Variants in LUC7L observed in about 807,000 individuals in gnomAD.
LUC7L encodes the protein putative RNA-binding protein Luc7-like 1.
LUC7L carries 29 observed loss-of-function variants against 51.1 expected under a neutral mutation model. The observed-to-expected ratio is 0.57, with a 90% CI of 0.42 to 0.77. LUC7L has a LOEUF of 0.77. LUC7L is among the 30% of genes least tolerant of loss of function. The probability of loss-of-function intolerance (pLI) is 0.00; values close to 1 mark genes in which losing one functional copy is unlikely to be tolerated. For missense variants in LUC7L, 403 were observed against 511.9 expected (o/e 0.79, Z 2.05); for synonymous variants, 181 against 180.7 (o/e 1.00, Z -0.01).
intron 5 of LUC7L, among the ~76,000 whole-genome samples, chr16:200,042 G>T (rs1386109974): frequency 6.6e-6 from 1 of 151,956 alleles, no homozygotes; most frequent in Non-Finnish European, 1.5e-5. Flanking sequence ...TGTAATCCCA[G>T]CATTCCGAGG....
intron 3 of LUC7L, among the ~76,000 whole-genome samples, chr16:214,651 C>T (rs905664472): frequency 1.3e-5 from 2 of 152,138 alleles, no homozygotes; most frequent in Non-Finnish European, 2.9e-5. Context: ...CTCAGCCCCT[C>T]GAGTAGCTGG....
At chr16:201,513 C>T (rs926288040) in intron 5 of LUC7L, among the ~76,000 whole-genome samples, 2 of 151,608 alleles carry the variant, frequency 1.3e-5, no homozygotes, top group African/African-American at 4.8e-5. Flanking sequence ...GATCTCAGCT[C>T]ACTACAAGCT....
chr16:211,897 G>A (rs571700228), intron 3 of LUC7L, among the ~76,000 whole-genome samples: 9 of 152,338 alleles, frequency 5.9e-5, no homozygotes, highest in African/African-American at 1.7e-4. Flanking sequence ...GACACAGGCC[G>A]GTGGTCACTG....
rs116830408 is a variant in LUC7L at position 202,764 on chromosome 16, T to G, written c.510+3240A>C. The stretch of plus-strand genomic sequence containing the variant: ...ATGAAAGACAGGACATCATTACGGA[T>G]CCACCCACTTTAAAGGAATAATACA... On this transcript the variant is annotated intron_variant, in intron 5 of 9. Transcript: ENST00000293872. Among the ~76,000 whole-genome samples the G allele has an allele frequency of 7.3e-3, 1,104 of 152,228 alleles. 15 individuals are homozygous for G. The highest frequency in any genetic ancestry group is 0.026 in the African/African-American group (1,062 of 41,552).
intron 3 of LUC7L, among the ~76,000 whole-genome samples, chr16:212,345 A>G (rs1454044730): frequency 1.3e-5 from 2 of 152,194 alleles, no homozygotes; most frequent in Non-Finnish European, 2.9e-5. Flanking sequence ...ATGGATGATG[A>G]AAGTGAAGCA....
At chr16:206,878 C>T (rs942948909) in intron 4 of LUC7L, among the ~76,000 whole-genome samples, 2 of 136,398 alleles carry the variant, frequency 1.5e-5, no homozygotes, top group African/African-American at 5.7e-5. Flanking sequence ...GGGCAACAGA[C>T]TCCATCTTTA....
intron 1 of LUC7L, 159 bp from the exon 2 acceptor site, chr16:227,495 AG>A: frequency 6.9e-7 from 1 of 1,445,958 alleles, no homozygotes; most frequent in Non-Finnish European, 9.1e-7. Context: ...TTACAACTGG[AG>A]TGGAATACAC....
chr16:198,021 C>T (rs1422513570), intron 6 of LUC7L, among the ~76,000 whole-genome samples: 1 of 152,072 alleles, frequency 6.6e-6, no homozygotes, highest in Non-Finnish European at 1.5e-5. Flanking sequence ...GTGGTCCCAG[C>T]ACTTTGGGAG....
At chr16:228,140 C>A in intron 1 of LUC7L, 1 of 1,128,350 alleles carries the variant, frequency 8.9e-7, no homozygotes. Context: ...AATTTTAAAG[C>A]TAGTCTGTGT....
At chr16:224,194 A>C (rs192493271) in intron 2 of LUC7L, among the ~76,000 whole-genome samples, 2 of 152,274 alleles carry the variant, frequency 1.3e-5, no homozygotes, top group East Asian at 3.9e-4. Context: ...CATTATAAAA[A>C]ACTCAACTGT....
At chr16:218,768 CG>C (rs2049882123) in intron 3 of LUC7L, among the ~76,000 whole-genome samples, 1 of 151,218 alleles carries the variant, frequency 6.6e-6, no homozygotes, top group Non-Finnish European at 1.5e-5. Context: ...GGGGCAACAA[CG>C]AAAAAAAGCT....
intron 2 of LUC7L, among the ~76,000 whole-genome samples, chr16:222,291 C>T (rs566967842): frequency 6.8e-6 from 1 of 146,310 alleles, no homozygotes; most frequent in East Asian, 2.0e-4. Flanking sequence ...AACTAGGAGA[C>T]ACCCCCAGTA....
intron 6 of LUC7L, among the ~76,000 whole-genome samples, chr16:195,133 A>C (rs2049115238): frequency 6.6e-6 from 1 of 152,166 alleles, no homozygotes; most frequent in South Asian, 2.1e-4. Flanking sequence ...GTGATGTTTA[A>C]GGATGGCATT....
In LUC7L at chr16:227,331, C is replaced by T. The variant is rs1451269929; in HGVS notation, c.67G>A (p.Glu23Lys). 3.1e-6 allele frequency: 5 copies of T among 1,605,812 alleles called. No homozygotes were observed. The highest frequency in any genetic ancestry group is 3.4e-5 in the Admixed American group (2 of 59,306). ...GTAAACTTGACCCTCTGTCTGGTTT[C>T]GTCTCCTGAAATTCATTTGTGGTTT... ...QLMGTARDGD[E>K]TRQRVKFTDD... The change falls in exon 2 of 10, where the codon GAA becomes AAA. Residue 23 changes from glutamate (E) to lysine (K), a missense_variant. Glu to Lys is a moderately conservative substitution (Grantham distance 56). Coordinates refer to ENST00000293872, the MANE Select transcript of LUC7L (RefSeq NM_201412.3).
In LUC7L at chr16:218,787, G is replaced by A. The variant is rs939743984; in HGVS notation, c.255+1862C>T. The stretch of plus-strand genomic sequence containing the variant: ...CAACAACGAAAAAAAGCTGAAAAAT[G>A]CTACTCTAAATGAATTTACTGGCCA... On this transcript the variant is annotated intron_variant, in intron 3 of 9. Transcript: ENST00000293872. 4.6e-5 allele frequency among the ~76,000 whole-genome samples: 7 copies of A among 151,754 alleles called. No homozygotes were observed. In the South Asian group the frequency reaches 1.0e-3, roughly 23 times the overall value.
chr16:229,207 C>A, intron 1 of LUC7L, 72 bp downstream of exon 1: 1 of 1,505,468 alleles, frequency 6.6e-7, no homozygotes, highest in Non-Finnish European at 8.8e-7. Flanking sequence ...TCGCGGCCCC[C>A]GCCTCAGGCC....
intron 5 of LUC7L, among the ~76,000 whole-genome samples, chr16:205,115 C>T (rs2049445447): frequency 6.6e-6 from 1 of 152,216 alleles, no homozygotes; most frequent in African/African-American, 2.4e-5. Context: ...TGCACCTCTG[C>T]ACTACGTTTG....
chr16:215,764 C>T (rs1290094432), intron 3 of LUC7L, among the ~76,000 whole-genome samples: 1 of 152,042 alleles, frequency 6.6e-6, no homozygotes. Flanking sequence ...GATCATGCCA[C>T]TGTACTCCAG....
At chr16:216,380 G>GTTTT (rs34292372) in intron 3 of LUC7L, among the ~76,000 whole-genome samples, 45 of 107,284 alleles carry the variant, frequency 4.2e-4, no homozygotes, top group East Asian at 1.1e-3. Context: ...TCAAATAGTT[G>GTTTT]TTTTTTTTTT....
Sources: gnomAD v4.1 joint callset for allele counts (sites outside exome capture counted in the v4.1 genomes callset) on GRCh38, gnomAD v4.1.1 for gene constraint, MANE v1.5 for transcripts, NCBI Gene and HGNC (gene_info 2026-07-23, HGNC 2026-07-21) for gene names.